Variants in COL26A1 observed in about 807,000 individuals in gnomAD.
The protein encoded by COL26A1 is collagen alpha-1(XXVI) chain.
COL26A1 carries 41 observed loss-of-function variants against 59.3 expected under a neutral mutation model. That is an observed-to-expected ratio of 0.69 (90% CI 0.54 to 0.90). The LOEUF (loss-of-function observed/expected upper bound fraction) is 0.90, where lower values mean the gene tolerates loss of function less well. Ranked by LOEUF, COL26A1 falls within the 40% of genes least tolerant of loss-of-function variation. The probability of loss-of-function intolerance (pLI) is 0.00; values close to 1 mark genes in which losing one functional copy is unlikely to be tolerated. For missense variants in COL26A1, 612 were observed against 602.3 expected (o/e 1.02, Z -0.17); for synonymous variants, 266 against 256.0 (o/e 1.04, Z -0.37).
chr7:101,443,872 C>CTTTTTTTTTTTT (rs11352431), intron 2 of COL26A1, among the ~76,000 whole-genome samples: 2 of 124,728 alleles, frequency 1.6e-5, no homozygotes, highest in Non-Finnish European at 1.7e-5. Flanking sequence ...TTTTTCTTTT[C>CTTTTTTTTTTTT]TTTTTTTTTT....
At chr7:101,453,847 A>G (rs960853460) in intron 3 of COL26A1, among the ~76,000 whole-genome samples, 1 of 152,178 alleles carries the variant, frequency 6.6e-6, no homozygotes, top group Admixed American at 6.5e-5. Flanking sequence ...GTCCCGCACC[A>G]TTAATTCCCT....
chr7:101,494,599 A>G (rs1794540822), intron 3 of COL26A1, among the ~76,000 whole-genome samples: 1 of 152,204 alleles, frequency 6.6e-6, no homozygotes, highest in African/African-American at 2.4e-5. Context: ...GAGCCCCTTG[A>G]GGGGCAGGAT....
chr7:101,391,634 A>G (rs774088313), intron 1 of COL26A1, among the ~76,000 whole-genome samples: 2 of 152,192 alleles, frequency 1.3e-5, no homozygotes, highest in Non-Finnish European at 2.9e-5. Context: ...ATCTCAGCTC[A>G]CTGCAACCTC....
intron 9 of COL26A1, 56 bp from the exon 10 acceptor site, chr7:101,551,052 A>C: frequency 6.5e-7 from 1 of 1,534,970 alleles, no homozygotes; most frequent in Non-Finnish European, 8.8e-7. Context: ...GCCAGAGGGC[A>C]CTGGAGACTT....
In COL26A1 at chr7:101,544,039, C is replaced by G. The variant is rs1795674547; in HGVS notation, c.646C>G (p.Pro216Ala). The part of the protein sequence containing the change: ...QTGPPGPAGP[P>A]GSKGDRGQTG... ...AGGACCACCAGGGCCTGCAGGCCCC[C>G]CCGGGTCTAAAGGTGACCGAGGCCA... The change falls in exon 6 of 13, where the codon CCC becomes GCC. Residue 216 changes from proline (P) to alanine (A), a missense_variant. By Grantham distance (27) the Pro-to-Ala change is conservative. Transcript: ENST00000313669. 4.4e-6 allele frequency: 7 copies of G among 1,600,366 alleles called. No homozygotes were observed. Among genetic ancestry groups the G allele is most frequent in the South Asian group, 1.1e-5 (1 of 88,388 alleles).
In COL26A1 at chr7:101,557,807, A is replaced by C; in HGVS notation, c.*277A>C. On this transcript the variant is annotated 3_prime_UTR_variant, in exon 13 of 13. Transcript: ENST00000313669. Reference sequence around the variant, plus strand: ...GGGCTGGGTGCTGGGAATGAGAATAATCCTAATACCCATCATTTATTGAGT... The same window carrying C: ...GGGCTGGGTGCTGGGAATGAGAATACTCCTAATACCCATCATTTATTGAGT... The C allele has an allele frequency of 2.8e-6, 1 of 362,918 alleles. No individual in the cohort carries two copies. Among genetic ancestry groups the C allele is most frequent in the Non-Finnish European group, 5.0e-6 (1 of 201,110 alleles). The allele number at this position is 362,918 out of a possible 1,614,324, so 22.5% of individuals were successfully genotyped here.
chr7:101,529,050 C>T lies in COL26A1; in HGVS notation c.386-4032C>T, dbSNP rs187604909. On this transcript the variant is annotated intron_variant, in intron 3 of 12. Coordinates refer to ENST00000313669, the MANE Select transcript of COL26A1 (RefSeq NM_001278563.3). ...GCACGGTGGCACGTGACTGTAGTCC[C>T]AGCTACTTGGGAGGCTGAGGCAGGA... Among the ~76,000 whole-genome samples, 46 of 152,030 alleles carry T rather than the reference C, an allele frequency of 3.0e-4. 3 individuals carry two copies. Among genetic ancestry groups the T allele is most frequent in the African/African-American group, 1.1e-3 (45 of 41,542 alleles).
chr7:101,546,346 C>G (rs547523381), intron 7 of COL26A1, among the ~76,000 whole-genome samples: 1 of 152,296 alleles, frequency 6.6e-6, no homozygotes, highest in Non-Finnish European at 1.5e-5. Context: ...GGGATCCTCC[C>G]ACCTCAGCCT....
At chr7:101,488,743 A>G (rs1425653783) in intron 3 of COL26A1, among the ~76,000 whole-genome samples, 2 of 152,088 alleles carry the variant, frequency 1.3e-5, no homozygotes, top group Admixed American at 6.6e-5. Context: ...AGCCATCTCC[A>G]CTGTCCATCT....
chr7:101,495,170 G>A (rs867548092), intron 3 of COL26A1, among the ~76,000 whole-genome samples: 1 of 152,218 alleles, frequency 6.6e-6, no homozygotes, highest in Non-Finnish European at 1.5e-5. Context: ...AGGTAGAGGA[G>A]CCATCAGTCC....
rs1465314964 is a variant in COL26A1, at chr7:101,425,357, T to C, written c.281+5258T>C. Among the ~76,000 whole-genome samples, 5 of 152,284 alleles carry C rather than the reference T, an allele frequency of 3.3e-5. No homozygotes were observed. In the East Asian group the frequency reaches 9.7e-4, roughly 29 times the overall value. On this transcript the variant is annotated intron_variant, in intron 2 of 12. Coordinates refer to ENST00000313669, the MANE Select transcript of COL26A1 (RefSeq NM_001278563.3). ...GCCGAATTGCTCATCGTCTGCCCGC[T>C]CTGCTAGTCTGGGAGCCTTAGGAGG...
At chr7:101,501,056 G>T (rs1227393966) in intron 3 of COL26A1, among the ~76,000 whole-genome samples, 5 of 151,330 alleles carry the variant, frequency 3.3e-5, no homozygotes, top group Non-Finnish European at 7.4e-5. Flanking sequence ...CATGGTGGTA[G>T]GCGCCTGTAA....
Position 101,555,863 on chromosome 7 carries a change from G to T in COL26A1, c.1157G>T (p.Gly386Val). Residue 386 changes from glycine to valine, a missense_variant, in exon 12 of 13, where the codon GGG becomes GTG. Gly to Val is a moderately radical substitution (Grantham distance 109, BLOSUM62 -3). Coordinates refer to ENST00000313669, the MANE Select transcript of COL26A1 (RefSeq NM_001278563.3). ...ERVLILEHMI[G>V]IHDPLASPEG... ...GTCCTCATCCTGGAGCACATGATTGGGATCCACGGTGAGCAGTGACCAGGA... is the reference window on the plus strand; with the variant it reads ...GTCCTCATCCTGGAGCACATGATTGTGATCCACGGTGAGCAGTGACCAGGA... The T allele has an allele frequency of 6.2e-7, 1 of 1,608,208 alleles. No individual in the cohort carries two copies. Among genetic ancestry groups the T allele is most frequent in the Non-Finnish European group, 8.5e-7 (1 of 1,177,540 alleles).
intron 3 of COL26A1, among the ~76,000 whole-genome samples, chr7:101,532,063 G>C (rs1166184645): frequency 6.6e-6 from 1 of 152,108 alleles, no homozygotes; most frequent in African/African-American, 2.4e-5. Flanking sequence ...GGCATCCCCT[G>C]ACTTCTAGAG....
At chr7:101,556,769 G>T (rs1351721945) in intron 12 of COL26A1, among the ~76,000 whole-genome samples, 1 of 152,042 alleles carries the variant, frequency 6.6e-6, no homozygotes, top group Non-Finnish European at 1.5e-5. Flanking sequence ...TGAATGGGTG[G>T]ATGGGCGGGT....
Position 101,510,027 on chromosome 7 carries a change from C to CTTTTTTTTTTTTTTTTTTTTTTTTTTTTT in COL26A1, c.386-23041_386-23040insTTTTTTTTTTTTTTTTTTTTTTTTTTTTT, listed in dbSNP as rs3073374. 9.8e-5 allele frequency among the ~76,000 whole-genome samples: 12 copies of CTTTTTTTTTTTTTTTTTTTTTTTTTTTTT among 122,300 alleles called. 1 individual carries two copies. The highest frequency in any genetic ancestry group is 4.1e-4 in the African/African-American group (10 of 24,658). The allele number at this position is 122,300 out of a possible 152,430, so 80.2% of individuals were successfully genotyped here. A position where few individuals can be genotyped will look rare whatever the true frequency, so the allele number is the denominator to read the frequency against. On this transcript the variant is annotated intron_variant, in intron 3 of 12. Transcript: ENST00000313669. The stretch of plus-strand genomic sequence containing the variant: ...ATAGGCATAAGCCATCGCGCCCAGT[C>CTTTTTTTTTTTTTTTTTTTTTTTTTTTTT]TTTTTTTTTTTTTTAAGAGGGTCTC...
chr7:101,412,192 G>A (rs780960706), intron 1 of COL26A1, among the ~76,000 whole-genome samples: 10 of 152,160 alleles, frequency 6.6e-5, no homozygotes, highest in South Asian at 2.1e-4. Flanking sequence ...GGGCAGAAGC[G>A]CCTCCCCATA....
At chr7:101,550,463 TA>T (rs957970225) in intron 9 of COL26A1, among the ~76,000 whole-genome samples, 2 of 151,892 alleles carry the variant, frequency 1.3e-5, no homozygotes, top group African/African-American at 4.8e-5. Flanking sequence ...CCTGTCTCAT[TA>T]AAAAAAATTA....
chr7:101,489,701 C>CTT (rs1770518398), intron 3 of COL26A1, among the ~76,000 whole-genome samples: 2 of 84,080 alleles, frequency 2.4e-5, no homozygotes, highest in African/African-American at 8.5e-5. Context: ...TTCTTTCTGT[C>CTT]TTTCTTTCTT....
Sources: allele counts gnomAD v4.1 joint callset (sites outside exome capture counted in the v4.1 genomes callset), GRCh38; gene constraint gnomAD v4.1.1; transcripts MANE v1.5; gene names NCBI Gene and HGNC (gene_info 2026-07-23, HGNC 2026-07-21).